LIN28B: variants seen among roughly 807,000 people sequenced by gnomAD.
LIN28B encodes the protein protein lin-28 homolog B.
In LIN28B, 5 loss-of-function variants were observed where a neutral mutation model predicts 21.9. The observed-to-expected ratio is 0.23, with a 90% CI of 0.12 to 0.48. The LOEUF (loss-of-function observed/expected upper bound fraction) is 0.48, where lower values mean the gene tolerates loss of function less well. LIN28B is among the 20% of genes least tolerant of loss of function. LIN28B has a pLI of 0.98. For synonymous variants in LIN28B, 109 were observed against 111.3 expected, an observed-to-expected ratio of 0.98 and a Z score of 0.13; for missense variants, 245 against 310.5, an observed-to-expected ratio of 0.79 and a Z score of 1.58.
intron 2 of LIN28B, among the ~76,000 whole-genome samples, chr6:104,974,436 C>T (rs988762728): frequency 4.7e-5 from 7 of 149,988 alleles, no homozygotes; most frequent in African/African-American, 1.7e-4. Flanking sequence ...TTGCAGTGAG[C>T]CAATATCATG....
At chr6:105,028,730 A>G (rs1185141466) in intron 3 of LIN28B, among the ~76,000 whole-genome samples, 1 of 152,200 alleles carries the variant, frequency 6.6e-6, no homozygotes, top group Non-Finnish European at 1.5e-5. Flanking sequence ...GTGAAGATGT[A>G]TATTAGGCAG....
At position 105,016,914 on chromosome 6, in the gene LIN28B, C is replaced by CA. The variant is rs796927741; in HGVS notation, c.199-9374dup. ...TGTAATGAAAATCAAAACAAAAAAA[C>CA]AAAAAAAAAACAGCTGGGTGTGGTG... On this transcript the variant is annotated intron_variant, in intron 2 of 3. Transcript: ENST00000345080. Among the ~76,000 whole-genome samples the CA allele has an allele frequency of 8.9e-3, 1,280 of 143,562 alleles. 17 individuals are homozygous for CA. The highest frequency in any genetic ancestry group is 0.029 in the African/African-American group (1,150 of 39,158). 94.2% of individuals were successfully genotyped at this position (143,562 alleles called of 152,430 possible).
At chr6:104,947,813 A>C (rs908445623) in intron 2 of LIN28B, among the ~76,000 whole-genome samples, 1 of 151,096 alleles carries the variant, frequency 6.6e-6, no homozygotes, top group Admixed American at 6.6e-5. Flanking sequence ...GGAATAATCA[A>C]CCTCGGTACA....
chr6:104,999,568 A>C (rs1160777664), intron 2 of LIN28B, among the ~76,000 whole-genome samples: 1 of 152,252 alleles, frequency 6.6e-6, no homozygotes, highest in Non-Finnish European at 1.5e-5. Context: ...AAGAATTAGA[A>C]ACATGTTCAT....
At chr6:104,958,069 G>T (rs1157491756) in intron 1 of LIN28B, 30 bp from the exon 2 acceptor site, 47 of 1,478,122 alleles carry the variant, frequency 3.2e-5, no homozygotes, top group Non-Finnish European at 4.0e-5. Context: ...TGGGAATACA[G>T]ACTGACTTTT....
chr6:104,983,831 C>T (rs1490443503), intron 2 of LIN28B, among the ~76,000 whole-genome samples: 1 of 152,216 alleles, frequency 6.6e-6, no homozygotes, highest in Non-Finnish European at 1.5e-5. Context: ...TCACCTCAGC[C>T]TCCCAAAGTG....
intron 2 of LIN28B, chr6:104,941,418 C>T (rs1778090189): frequency 7.5e-6 from 1 of 132,836 alleles, no homozygotes; most frequent in Non-Finnish European, 1.6e-5. Flanking sequence ...CGGTTGCTGC[C>T]GGGCGGCCAA....
intron 2 of LIN28B, among the ~76,000 whole-genome samples, chr6:104,985,453 A>G (rs1770318347): frequency 2.0e-5 from 3 of 152,006 alleles, no homozygotes; most frequent in Admixed American, 2.0e-4. Flanking sequence ...ACTTCAATTG[A>G]TTGTTCTTTT....
At chr6:104,990,152 CA>C (rs1770432141) in intron 2 of LIN28B, among the ~76,000 whole-genome samples, 1 of 151,396 alleles carries the variant, frequency 6.6e-6, no homozygotes, top group African/African-American at 2.4e-5. Flanking sequence ...AATTGAGCCA[CA>C]TTTAATTCCA....
At chr6:105,013,343 A>G (rs1770960775) in intron 2 of LIN28B, among the ~76,000 whole-genome samples, 1 of 151,604 alleles carries the variant, frequency 6.6e-6, no homozygotes, top group Non-Finnish European at 1.5e-5. Flanking sequence ...TTTTTTTTGA[A>G]GCCTAATGAT....
chr6:104,945,808 C>A (rs1778149382), intron 2 of LIN28B, among the ~76,000 whole-genome samples: 1 of 152,080 alleles, frequency 6.6e-6, no homozygotes, highest in Admixed American at 6.5e-5. Context: ...ATTGTGTTTG[C>A]CAGCTGCTAT....
intron 2 of LIN28B, among the ~76,000 whole-genome samples, chr6:105,006,557 C>G (rs2114300380): frequency 6.6e-6 from 1 of 152,266 alleles, no homozygotes; most frequent in South Asian, 2.1e-4. Flanking sequence ...GTTGATCCAC[C>G]CGTCTTGGCC....
At chr6:104,939,012 T>G (rs569941571) in intron 2 of LIN28B, among the ~76,000 whole-genome samples, 2 of 152,276 alleles carry the variant, frequency 1.3e-5, no homozygotes, top group African/African-American at 4.8e-5. Context: ...TACATCACAC[T>G]TAAATGCTGA....
intron 2 of LIN28B, among the ~76,000 whole-genome samples, chr6:104,979,641 G>A (rs938376514): frequency 6.7e-6 from 1 of 150,090 alleles, no homozygotes; most frequent in African/African-American, 2.4e-5. Flanking sequence ...ATTAGCTTAA[G>A]ACTTTTTATA....
chr6:105,045,011 T>A, intron 3 of LIN28B, among the ~76,000 whole-genome samples: 1 of 152,052 alleles, frequency 6.6e-6, no homozygotes, highest in Non-Finnish European at 1.5e-5. Context: ...TTAAAAAAAA[T>A]TTCATATGAC....
chr6:104,997,484 T>C (rs961050378), intron 2 of LIN28B, among the ~76,000 whole-genome samples: 1 of 151,964 alleles, frequency 6.6e-6, no homozygotes, highest in Non-Finnish European at 1.5e-5. Context: ...ACTGTATCTA[T>C]ATGTATAGTT....
intron 3 of LIN28B, among the ~76,000 whole-genome samples, chr6:105,056,604 T>C (rs898610565): frequency 6.6e-6 from 1 of 152,142 alleles, no homozygotes; most frequent in Admixed American, 6.5e-5. Context: ...ATATTTTTGC[T>C]TATCTCTCTG....
intron 3 of LIN28B, among the ~76,000 whole-genome samples, chr6:105,050,571 C>T (rs1449689859): frequency 1.6e-5 from 2 of 126,570 alleles, no homozygotes; most frequent in African/African-American, 3.1e-5. Context: ...CACTGCAGTC[C>T]GCAGTCCAGC....
intron 3 of LIN28B, among the ~76,000 whole-genome samples, chr6:105,038,190 G>T (rs1253191761): frequency 6.6e-6 from 1 of 152,174 alleles, no homozygotes; most frequent in Non-Finnish European, 1.5e-5. Context: ...AGAAATTAGG[G>T]ATTTAGACCT....
Sources: gnomAD v4.1 joint callset for allele counts (sites outside exome capture counted in the v4.1 genomes callset) on GRCh38, gnomAD v4.1.1 for gene constraint, MANE v1.5 for transcripts, NCBI Gene and HGNC (gene_info 2026-07-23, HGNC 2026-07-21) for gene names.